The following RAPGEF4 variants were observed in gnomAD, a reference collection of about 807,000 sequenced individuals.
The protein encoded by RAPGEF4 is Rap guanine nucleotide exchange factor 4.
Under a neutral mutation model 147.9 loss-of-function variants are expected in RAPGEF4, and 66 were observed. That is an observed-to-expected ratio of 0.45 (90% CI 0.37 to 0.55). RAPGEF4 has a LOEUF of 0.55. Among genes scored for constraint, RAPGEF4 ranks in the 20% least tolerant of loss-of-function variants. The pLI is 0.00. For synonymous variants in RAPGEF4, 419 were observed against 442.7 expected, an observed-to-expected ratio of 0.95 and a Z score of 0.67; for missense variants, 1,071 against 1,257.3, an observed-to-expected ratio of 0.85 and a Z score of 2.24.
intron 6 of RAPGEF4, among the ~76,000 whole-genome samples, chr2:172,959,924 T>C (rs1466297599): frequency 6.6e-6 from 1 of 152,116 alleles, no homozygotes. Context: ...ACCTCATCTC[T>C]ACAGACAAAA....
chr2:172,889,762 T>A (rs902471529), intron 4 of RAPGEF4: 2 of 912,098 alleles, frequency 2.2e-6, no homozygotes, highest in Non-Finnish European at 2.6e-6. Flanking sequence ...GCAAGGAAAA[T>A]TTTAAAAATA....
intron 26 of RAPGEF4, among the ~76,000 whole-genome samples, chr2:173,030,493 T>C (rs1245164046): frequency 2.0e-5 from 3 of 152,206 alleles, no homozygotes; most frequent in Non-Finnish European, 4.4e-5. Flanking sequence ...CTTCTTGATA[T>C]ATGCAATGTA....
chr2:173,048,322 G>A (rs1014571741), intron 29 of RAPGEF4: 7 of 506,748 alleles, frequency 1.4e-5, no homozygotes, highest in African/African-American at 2.0e-5. Flanking sequence ...ACAGTCTCAG[G>A]CATGATAGAT....
Position 172,933,524 on chromosome 2 carries a change from A to T in RAPGEF4, c.537+11224A>T, listed in dbSNP as rs1405230986. 2.0e-5 allele frequency among the ~76,000 whole-genome samples: 3 copies of T among 152,318 alleles called. No individual in the cohort carries two copies. The East Asian group carries it at 5.8e-4, about 29-fold the overall frequency. ...TGCACCGTACCTGGGTGCAGTCAATAGCTAATAATGATAAACATTAGACTA... is the reference window on the plus strand; with the variant it reads ...TGCACCGTACCTGGGTGCAGTCAATTGCTAATAATGATAAACATTAGACTA... On this transcript the variant is annotated intron_variant, in intron 6 of 30. Transcript: ENST00000397081.
intron 6 of RAPGEF4, among the ~76,000 whole-genome samples, chr2:172,940,450 T>A (rs764151672): frequency 2.1e-4 from 32 of 151,954 alleles, no homozygotes; most frequent in Non-Finnish European, 3.8e-4. Context: ...TCTCATGAGA[T>A]CAGGTCATTT....
chr2:172,797,510 A>ATTTTTTTTTT lies in RAPGEF4; in HGVS notation c.209-6_209-5insTTTTTTTTTT. The ATTTTTTTTTT allele has an allele frequency of 6.3e-7, 1 of 1,585,616 alleles. No homozygotes were observed. The highest frequency in any genetic ancestry group is 8.6e-7 in the Non-Finnish European group (1 of 1,158,128). ...TTGTATCTGTTATATTTATATCACA[A>ATTTTTTTTTT]TTTTTTTTTCCCAGTATTTCGCCAG... On this transcript the variant is annotated splice_polypyrimidine_tract_variant and intron_variant, in intron 2 of 30. Coordinates refer to ENST00000397081, the MANE Select transcript of RAPGEF4 (RefSeq NM_007023.4).
chr2:173,007,266 A>G lies in RAPGEF4; in HGVS notation c.1658+5922A>G, dbSNP rs149882512. 6.5e-3 allele frequency among the ~76,000 whole-genome samples: 995 copies of G among 152,360 alleles called. 8 individuals are homozygous for G. The highest frequency in any genetic ancestry group is 0.024 in the Middle Eastern group (7 of 294). ...CTTAAAAGGAGAATAGCCAGGAACT[A>G]GAGACTTCTAAAAACACAGAGGATT... On this transcript the variant is annotated intron_variant, in intron 17 of 30. Transcript: ENST00000397081.
intron 4 of RAPGEF4, among the ~76,000 whole-genome samples, chr2:172,842,992 T>A (rs1691785449): frequency 6.6e-6 from 1 of 152,188 alleles, no homozygotes; most frequent in African/African-American, 2.4e-5. Context: ...GGTGGGAGTC[T>A]AAGCTAAGGA....
intron 17 of RAPGEF4, among the ~76,000 whole-genome samples, chr2:173,012,233 C>A (rs1294135263): frequency 6.6e-6 from 1 of 152,174 alleles, no homozygotes; most frequent in Non-Finnish European, 1.5e-5. Flanking sequence ...CGGTGAGGAA[C>A]ACGCATGGTC....
intron 1 of RAPGEF4, among the ~76,000 whole-genome samples, chr2:172,773,836 C>T (rs558958345): frequency 1.2e-3 from 180 of 152,152 alleles, no homozygotes; most frequent in Non-Finnish European, 2.1e-3. Context: ...ATCACATAAT[C>T]GTCATATAGT....
intron 1 of RAPGEF4, among the ~76,000 whole-genome samples, chr2:172,747,907 A>T (rs1694923982): frequency 6.6e-6 from 1 of 152,202 alleles, no homozygotes; most frequent in Admixed American, 6.5e-5. Flanking sequence ...TGTAAGTAAG[A>T]TCATGCGGTA....
At chr2:172,874,004 T>A (rs1695560379) in intron 4 of RAPGEF4, among the ~76,000 whole-genome samples, 1 of 152,152 alleles carries the variant, frequency 6.6e-6, no homozygotes, top group South Asian at 2.1e-4. Context: ...TGAGATACCG[T>A]CTCACACCAG....
chr2:172,794,824 T>C (rs1438078332), intron 1 of RAPGEF4, among the ~76,000 whole-genome samples: 1 of 152,226 alleles, frequency 6.6e-6, no homozygotes, highest in Non-Finnish European at 1.5e-5. Context: ...TAGTAGTGAT[T>C]TAAGGCGAAT....
At chr2:172,827,740 G>A (rs1465957851) in intron 4 of RAPGEF4, among the ~76,000 whole-genome samples, 1 of 152,192 alleles carries the variant, frequency 6.6e-6, no homozygotes, top group African/African-American at 2.4e-5. Flanking sequence ...GTTGCTGAGA[G>A]GAAGAAATGA....
At chr2:173,024,509 G>A (rs913598804) in intron 23 of RAPGEF4, among the ~76,000 whole-genome samples, 3 of 140,676 alleles carry the variant, frequency 2.1e-5, no homozygotes, top group East Asian at 2.2e-4. Flanking sequence ...GAGCCACCGC[G>A]CCCGGCCTGC....
chr2:172,786,133 G>A (rs548671535), intron 1 of RAPGEF4, among the ~76,000 whole-genome samples: 1 of 152,264 alleles, frequency 6.6e-6, no homozygotes, highest in South Asian at 2.1e-4. Flanking sequence ...AGAGTTGACT[G>A]AATTAAAATT....
chr2:172,988,072 T>C (rs1284482927), intron 12 of RAPGEF4, 124 bp from the exon 13 acceptor site: 3 of 1,348,726 alleles, frequency 2.2e-6, no homozygotes, highest in Non-Finnish European at 2.9e-6. Flanking sequence ...TATTTGCCAG[T>C]GATGTTTCTC....
chr2:172,950,425 T>C (rs1688100179), intron 6 of RAPGEF4, among the ~76,000 whole-genome samples: 1 of 152,248 alleles, frequency 6.6e-6, no homozygotes, highest in South Asian at 2.1e-4. Context: ...TAAATTCACA[T>C]GTAAACATTT....
At chr2:172,742,752 A>C (rs1332258037) in intron 1 of RAPGEF4, among the ~76,000 whole-genome samples, 1 of 152,124 alleles carries the variant, frequency 6.6e-6, no homozygotes, top group Non-Finnish European at 1.5e-5. Flanking sequence ...TACTTGCTTT[A>C]ATCTATTAGG....
Sources: allele counts gnomAD v4.1 joint callset (sites outside exome capture counted in the v4.1 genomes callset), GRCh38; gene constraint gnomAD v4.1.1; transcripts MANE v1.5; gene names NCBI Gene and HGNC (gene_info 2026-07-23, HGNC 2026-07-21).